Variants in NRXN2 observed in about 807,000 individuals in gnomAD.
NRXN2 encodes neurexin-2-beta.
A neutral mutation model predicts 128.8 loss-of-function variants in NRXN2; 29 were observed. That is an observed-to-expected ratio of 0.23 (90% CI 0.17 to 0.31). NRXN2 has a LOEUF of 0.31. Ranked by LOEUF, NRXN2 falls within the 10% of genes least tolerant of loss-of-function variation. The probability of loss-of-function intolerance (pLI) is 1.00; values close to 1 mark genes in which losing one functional copy is unlikely to be tolerated. For missense variants in NRXN2, 1,881 were observed against 2,452.6 expected (o/e 0.77, Z 4.92); for synonymous variants, 1,098 against 1,075.2 (o/e 1.02, Z -0.41).
At chr11:64,692,649 G>A (rs1489906887) in intron 4 of NRXN2, among the ~76,000 whole-genome samples, 198 bp downstream of exon 4, 1 of 152,056 alleles carries the variant, frequency 6.6e-6, no homozygotes, top group South Asian at 2.1e-4. Context: ...CACAGACAAG[G>A]GCAAGCCCCC....
At chr11:64,712,578 A>C (rs1592301484) in intron 2 of NRXN2, 6 of 306,578 alleles carry the variant, frequency 2.0e-5, no homozygotes, top group Admixed American at 3.8e-5. Flanking sequence ...GTCCCCGCCC[A>C]CTGCCTTTAA....
chr11:64,615,460 G>A (rs572808190), intron 22 of NRXN2, among the ~76,000 whole-genome samples: 1 of 152,382 alleles, frequency 6.6e-6, no homozygotes, highest in African/African-American at 2.4e-5. Flanking sequence ...ATGTGTCTGT[G>A]ACTCTGTGGA....
At position 64,667,175 on chromosome 11, in the gene NRXN2, G is replaced by T; in HGVS notation, c.1798+75C>A. The T allele has an allele frequency of 6.8e-7, 1 of 1,465,096 alleles. No individual in the cohort carries two copies. Among genetic ancestry groups the T allele is most frequent in the South Asian group, 1.1e-5 (1 of 87,072 alleles). The allele number at this position is 1,465,096 out of a possible 1,614,324, so 90.8% of individuals were successfully genotyped here. On this transcript the variant is annotated intron_variant, in intron 9 of 22. Transcript: ENST00000265459. This position sits in a 1 kb window ranked among gnomAD's most constrained non-coding sequence, Gnocchi z 5.6. ...AATGGTGTAGAAGAGACCCGCTGAAGAGAGACGGAGAGGATGTCAGGGCAG... is the reference window on the plus strand; with the variant it reads ...AATGGTGTAGAAGAGACCCGCTGAATAGAGACGGAGAGGATGTCAGGGCAG...
Position 64,668,671 on chromosome 11 carries a change from C to A in NRXN2, c.1198-67G>T, listed in dbSNP as rs566738466. The A allele has an allele frequency of 1.9e-6, 3 of 1,588,704 alleles. No homozygotes were observed. In the Admixed American group the frequency reaches 5.0e-5, roughly 27 times the overall value. Reference sequence around the variant, plus strand: ...AACATCAAATCCCTAGGAAGAGCTACGGCTAGGCAAAGGAGGGGCCAGAGG... The same window carrying A: ...AACATCAAATCCCTAGGAAGAGCTAAGGCTAGGCAAAGGAGGGGCCAGAGG... On this transcript the variant is annotated intron_variant, in intron 7 of 22. Transcript: ENST00000265459.
intron 22 of NRXN2, among the ~76,000 whole-genome samples, chr11:64,618,935 C>T (rs1002371538): frequency 1.3e-5 from 2 of 152,192 alleles, no homozygotes; most frequent in Non-Finnish European, 2.9e-5. Context: ...GCCCCAGAAA[C>T]CCCTCTGCCC....
rs576879613 is a variant in NRXN2, at chr11:64,607,585, C to A, written c.4750G>T (p.Ala1584Ser). The A allele has an allele frequency of 3.9e-5, 60 of 1,532,880 alleles. No homozygotes were observed. In the African/African-American group the frequency reaches 8.1e-4, roughly 21 times the overall value. 95.0% of individuals were successfully genotyped at this position (1,532,880 alleles called of 1,614,324 possible). ...LLENPPLGPG[A>S]PTSFEPRRPP... ...CTCCGCGGCTCAAAGGACGTGGGGG[C>A]CCCGGGCCCCAAGGGCGGGTTCTCC... Residue 1584 changes from alanine to serine, a missense_variant, in exon 23 of 23, where the codon GCC (alanine) becomes TCC (serine). By Grantham distance (99) the Ala-to-Ser change is moderately conservative. Around this residue, in one of 7 missense-constraint regions of NRXN2, gnomAD observed 310 missense variants for 318.2 expected, o/e 0.97. Transcript: ENST00000265459.
chr11:64,623,249 G>T lies in NRXN2; in HGVS notation c.3848-171C>A. The T allele has an allele frequency of 8.4e-7, 1 of 1,185,282 alleles. No homozygotes were observed. Among genetic ancestry groups the T allele is most frequent in the Non-Finnish European group, 1.1e-6 (1 of 870,092 alleles). 73.4% of individuals were successfully genotyped at this position (1,185,282 alleles called of 1,614,324 possible). On this transcript the variant is annotated intron_variant, in intron 20 of 22. Coordinates refer to ENST00000265459, the MANE Select transcript of NRXN2 (RefSeq NM_015080.4). This position sits in a 1 kb window ranked among gnomAD's most constrained non-coding sequence, Gnocchi z 4.9. ...GAAGGGGCAGAAAGCCAAAGGGAAA[G>T]TCCTTGTCAGCCACAGCCCCTAGCC...
chr11:64,722,079 A>G (rs576125605), intron 1 of NRXN2, among the ~76,000 whole-genome samples: 43 of 152,120 alleles, frequency 2.8e-4, no homozygotes, highest in Non-Finnish European at 5.9e-4. Flanking sequence ...CCCCAACCCA[A>G]AGACCCCAGG....
chr11:64,635,510 AG>A lies in NRXN2; in HGVS notation c.3404-59del. On this transcript the variant is annotated intron_variant, in intron 17 of 22. Transcript: ENST00000265459. The surrounding 1 kb of genome is among the most constrained non-coding windows in gnomAD (Gnocchi z 4.8). Reference sequence around the variant, plus strand: ...ATGACATCAGGAGGACGAGGTCAGCAGGTCCTCAGGGTTGTGACCAGAGGGA... The same window carrying A: ...ATGACATCAGGAGGACGAGGTCAGCAGTCCTCAGGGTTGTGACCAGAGGGA... 1 of 1,577,416 alleles carries A rather than the reference AG, an allele frequency of 6.3e-7. No homozygotes were observed. The highest frequency in any genetic ancestry group is 8.7e-7 in the Non-Finnish European group (1 of 1,154,014).
Position 64,653,829 on chromosome 11 carries a change from C to T in NRXN2, c.2390-107G>A, listed in dbSNP as rs2047861876. On this transcript the variant is annotated intron_variant, in intron 11 of 22. Coordinates refer to ENST00000265459, the MANE Select transcript of NRXN2 (RefSeq NM_015080.4). Reference sequence around the variant, plus strand: ...GGGAGGGGTGTCTGCGGGCGGGGTTCCCCCCAGGGCCACTTTCCGGGGACC... The same window carrying T: ...GGGAGGGGTGTCTGCGGGCGGGGTTTCCCCCAGGGCCACTTTCCGGGGACC... 1.4e-5 allele frequency: 11 copies of T among 806,416 alleles called. No individual in the cohort carries two copies. The South Asian group carries it at 1.6e-4, about 12-fold the overall frequency. The allele number at this position is 806,416 out of a possible 1,614,324, so 50.0% of individuals were successfully genotyped here.
chr11:64,635,200 G>A lies in NRXN2; in HGVS notation c.3585+71C>T. On this transcript the variant is annotated intron_variant, in intron 18 of 22. Transcript: ENST00000265459. The surrounding 1 kb of genome is among the most constrained non-coding windows in gnomAD (Gnocchi z 4.8). ...GGAAGACTTGAGGTGCTGATCCCAT[G>A]GCAATGAGGGGCTGAACTGATTTGG... The A allele has an allele frequency of 6.5e-7, 1 of 1,549,486 alleles. No individual in the cohort carries two copies. The highest frequency in any genetic ancestry group is 8.9e-7 in the Non-Finnish European group (1 of 1,124,406).
chr11:64,702,361 G>C (rs1484416322), intron 2 of NRXN2, among the ~76,000 whole-genome samples: 1 of 152,148 alleles, frequency 6.6e-6, no homozygotes, highest in Non-Finnish European at 1.5e-5. Context: ...AATAGAAAGG[G>C]GGGAAAGGTG....
Position 64,713,648 on chromosome 11 carries a change from G to GCAGCAA in NRXN2, c.46_51dup (p.Leu19_Leu20dup). On this transcript the variant is annotated inframe_insertion, in exon 2 of 23. Transcript: ENST00000265459. ...GCGCGCGCCGCCAGCGCCAGCAGCA[G>GCAGCAA]CAGCAACAGCAGCGGCGGCGGTGTC... is the stretch of plus-strand genomic sequence containing the variant. 2 of 1,224,586 alleles carry GCAGCAA rather than the reference G, an allele frequency of 1.6e-6. No individual in the cohort carries two copies. The highest frequency in any genetic ancestry group is 1.6e-5 in the African/African-American group (1 of 62,898). 75.9% of individuals were successfully genotyped at this position (1,224,586 alleles called of 1,614,324 possible). A position where few individuals can be genotyped will look rare whatever the true frequency, so the allele number is the denominator to read the frequency against.
Position 64,653,854 on chromosome 11 carries a change from C to T in NRXN2, c.2390-132G>A, listed in dbSNP as rs1211742192. ...CCCCCCAGGGCCACTTTCCGGGGAC[C>T]ACGCGTGCCCAGGTGCCCTCTTCCC... On this transcript the variant is annotated intron_variant, in intron 11 of 22. Transcript: ENST00000265459. 3 of 664,892 alleles carry T rather than the reference C, an allele frequency of 4.5e-6. No homozygotes were observed. In the African/African-American group the frequency reaches 5.4e-5, roughly 12 times the overall value. 41.2% of individuals were successfully genotyped at this position (664,892 alleles called of 1,614,324 possible). A position where few individuals can be genotyped will look rare whatever the true frequency, so the allele number is the denominator to read the frequency against.
intron 5 of NRXN2, chr11:64,688,399 G>C: frequency 2.0e-6 from 2 of 985,444 alleles, no homozygotes; most frequent in Non-Finnish European, 2.4e-6. Context: ...AGCAAGTGTG[G>C]AAAGAAAACC....
intron 7 of NRXN2, among the ~76,000 whole-genome samples, chr11:64,672,835 A>T (rs1412598245): frequency 6.6e-6 from 1 of 152,196 alleles, no homozygotes; most frequent in East Asian, 1.9e-4. Context: ...GGAAAGACAC[A>T]CCATGAAGAT....
In NRXN2 at chr11:64,630,114, A is replaced by C. The variant is rs2043657157; in HGVS notation, c.3757+288T>G. On this transcript the variant is annotated intron_variant, in intron 19 of 22. Coordinates refer to ENST00000265459, the MANE Select transcript of NRXN2 (RefSeq NM_015080.4). The surrounding 1 kb of genome is among the most constrained non-coding windows in gnomAD (Gnocchi z 4.6). ...CCCTCCACTTCTCCCCCCACCCCCA[A>C]ACTGGACCCTGGCCTTGCAACCTTC... Among the ~76,000 whole-genome samples the C allele has an allele frequency of 2.1e-5, 3 of 140,694 alleles. No homozygotes were observed. The highest frequency in any genetic ancestry group is 7.1e-5 in the Admixed American group (1 of 14,124). 92.3% of individuals were successfully genotyped at this position (140,694 alleles called of 152,430 possible).
In NRXN2 at chr11:64,607,319, C is replaced by G; in HGVS notation, c.5016G>C (p.Gln1672His). 1 of 1,614,034 alleles carries G rather than the reference C, an allele frequency of 6.2e-7. No homozygotes were observed. The highest frequency in any genetic ancestry group is 8.5e-7 in the Non-Finnish European group (1 of 1,179,986). Residue 1672 changes from glutamine to histidine, a missense_variant, in exon 23 of 23, where the codon CAG becomes CAC. Gln to His is a conservative substitution (Grantham distance 24). Transcript: ENST00000265459. ...NRDEGSYQVD[Q>H]SRNYISNSAQ... ...CCGAGTTACTGATGTAGTTTCGGCT[C>G]TGGTCCACCTGGTAGGAGCCCTCAT... is the stretch of plus-strand genomic sequence containing the variant.
chr11:64,641,526 T>C (rs1342403231), intron 17 of NRXN2, among the ~76,000 whole-genome samples: 1 of 150,148 alleles, frequency 6.7e-6, no homozygotes, highest in Non-Finnish European at 1.5e-5. Flanking sequence ...TTGGGAGTGA[T>C]GGGGGCACAG....
Sources: gnomAD v4.1 joint callset for allele counts (sites outside exome capture counted in the v4.1 genomes callset) on GRCh38, gnomAD v4.1.1 for gene constraint, gnomAD v4.1.1 regional missense constraint, Gnocchi (gnomAD v3.1) non-coding constraint, MANE v1.5 for transcripts, NCBI Gene and HGNC (gene_info 2026-07-23, HGNC 2026-07-21) for gene names.